AKAP19: variants seen among roughly 807,000 people sequenced by gnomAD.
The protein encoded by AKAP19 is A-kinase anchoring protein 19.
chr2:190,045,911 G>A, the AKAP19 span, among the ~76,000 whole-genome samples: 5 of 152,190 alleles, frequency 3.3e-5, no homozygotes, highest in South Asian at 2.1e-4. Flanking sequence ...CCACATAGCC[G>A]TGTCTGTCAG....
the AKAP19 span, among the ~76,000 whole-genome samples, chr2:190,039,037 TTCCTCTTC>T: frequency 7.1e-6 from 1 of 140,992 alleles, no homozygotes; most frequent in Non-Finnish European, 1.5e-5. Context: ...CTTCCTCTTC[TTCCTCTTC>T]TTCCTCTTCT....
the AKAP19 span, among the ~76,000 whole-genome samples, chr2:189,933,662 C>T: frequency 6.6e-6 from 1 of 152,050 alleles, no homozygotes; most frequent in African/African-American, 2.4e-5. Context: ...AACTACATAC[C>T]ATGAATCTCT....
At chr2:189,884,188 G>A in the AKAP19 span, among the ~76,000 whole-genome samples, 1 of 151,962 alleles carries the variant, frequency 6.6e-6, no homozygotes, top group African/African-American at 2.4e-5. Context: ...ACATATTTAT[G>A]GGGAAAAATG....
At chr2:190,153,259 A>G in the AKAP19 span, among the ~76,000 whole-genome samples, 3 of 152,252 alleles carry the variant, frequency 2.0e-5, no homozygotes, top group Non-Finnish European at 4.4e-5. Context: ...ATGTATTAAT[A>G]ATTTTATATC....
the AKAP19 span, among the ~76,000 whole-genome samples, chr2:190,034,290 C>T: frequency 2.0e-5 from 3 of 151,484 alleles, no homozygotes; most frequent in East Asian, 1.9e-4. Context: ...TTAAAAGATA[C>T]GTTTAAATAT....
At chr2:189,918,959 C>G in the AKAP19 span, among the ~76,000 whole-genome samples, 2 of 152,206 alleles carry the variant, frequency 1.3e-5, no homozygotes, top group African/African-American at 4.8e-5. Context: ...CACAGTTTTA[C>G]TTTCCATGGT....
At chr2:190,182,299 G>A in the AKAP19 span, among the ~76,000 whole-genome samples, 1 of 152,146 alleles carries the variant, frequency 6.6e-6, no homozygotes, top group Non-Finnish European at 1.5e-5. Context: ...TGTGAACTTA[G>A]AAACAAGATT....
the AKAP19 span, among the ~76,000 whole-genome samples, chr2:190,008,760 ACACACACACACC>A: frequency 2.2e-3 from 253 of 116,788 alleles, 2 homozygotes; most frequent in East Asian, 0.023. Flanking sequence ...ACACACACAC[ACACACACACACC>A]CACCTGGTCT....
the AKAP19 span, among the ~76,000 whole-genome samples, chr2:190,039,940 T>C: frequency 6.6e-6 from 1 of 152,212 alleles, no homozygotes; most frequent in African/African-American, 2.4e-5. Flanking sequence ...GCATTTAGGT[T>C]AATTCTGTGT....
chr2:190,056,351 C>A, the AKAP19 span: 1 of 152,428 alleles, frequency 6.6e-6, no homozygotes, highest in African/African-American at 2.4e-5. Context: ...TTGATAGAGT[C>A]GATCATTTCT....
the AKAP19 span, chr2:190,060,254 C>G: frequency 6.2e-7 from 1 of 1,612,998 alleles, no homozygotes; most frequent in Non-Finnish European, 8.5e-7. Flanking sequence ...TTCCAGTATA[C>G]CTTGTACCGT....
Sources: allele counts gnomAD v4.1 joint callset (sites outside exome capture counted in the v4.1 genomes callset), GRCh38; gene constraint gnomAD v4.1.1; transcripts MANE v1.5; gene names NCBI Gene and HGNC (gene_info 2026-07-23, HGNC 2026-07-21).